Variants in OPCML observed in about 807,000 individuals in gnomAD.
OPCML encodes the protein opioid-binding protein/cell adhesion molecule.
OPCML carries 13 observed loss-of-function variants against 37.8 expected under a neutral mutation model. The ratio of observed to expected loss-of-function variants is 0.34; its 90% confidence interval spans 0.22 to 0.55. The LOEUF (loss-of-function observed/expected upper bound fraction) is 0.55, where lower values mean the gene tolerates loss of function less well. OPCML is among the 20% of genes least tolerant of loss of function. The pLI is 0.91. For synonymous variants in OPCML, 176 were observed against 168.8 expected (o/e 1.04, Z -0.33); for missense variants, 341 against 435.6 (o/e 0.78, Z 1.93).
Position 133,498,487 on chromosome 11 carries a change from C to T in OPCML, c.61+33777G>A, listed in dbSNP as rs142918773. Among the ~76,000 whole-genome samples the T allele has an allele frequency of 3.4e-3, 521 of 152,274 alleles. 4 individuals carry two copies. The highest frequency in any genetic ancestry group is 5.2e-3 in the Non-Finnish European group (355 of 68,004). ...AATCCCAGGAAACCGGGCACAATATCGCGCAGGGCCCCTTCTCTCCAGCCT... is the reference window on the plus strand; with the variant it reads ...AATCCCAGGAAACCGGGCACAATATTGCGCAGGGCCCCTTCTCTCCAGCCT... On this transcript the variant is annotated intron_variant, in intron 1 of 7. Transcript: ENST00000524381.
chr11:132,505,781 G>C (rs2096255434), intron 4 of OPCML, among the ~76,000 whole-genome samples: 1 of 151,464 alleles, frequency 6.6e-6, no homozygotes, highest in Non-Finnish European at 1.5e-5. Flanking sequence ...AAAGACAAAA[G>C]ATCTGAAGGA....
chr11:133,107,553 T>C (rs1388196757), intron 1 of OPCML, among the ~76,000 whole-genome samples: 2 of 152,180 alleles, frequency 1.3e-5, no homozygotes, highest in Admixed American at 1.3e-4. Flanking sequence ...GATTTTCTGT[T>C]GACACGCACA....
chr11:132,928,950 T>C (rs1013278459), intron 2 of OPCML, among the ~76,000 whole-genome samples: 15 of 150,560 alleles, frequency 1.0e-4, no homozygotes, highest in African/African-American at 3.7e-4. Context: ...TAGGATGCAA[T>C]AGAAGCAGTA....
intron 1 of OPCML, among the ~76,000 whole-genome samples, chr11:133,406,207 A>G (rs1242555934): frequency 6.6e-6 from 1 of 152,196 alleles, no homozygotes; most frequent in East Asian, 1.9e-4. Context: ...TGGAGAGTCA[A>G]GAACATACAC....
intron 1 of OPCML, among the ~76,000 whole-genome samples, chr11:133,239,399 T>C (rs959419504): frequency 2.0e-5 from 3 of 152,150 alleles, no homozygotes; most frequent in Non-Finnish European, 4.4e-5. Flanking sequence ...TAGTCTACAG[T>C]TGGCTGAGAC....
At chr11:133,472,080 T>C (rs1947128962) in intron 1 of OPCML, among the ~76,000 whole-genome samples, 1 of 152,164 alleles carries the variant, frequency 6.6e-6, no homozygotes, top group Non-Finnish European at 1.5e-5. Context: ...AAAGTTAAGT[T>C]TGATTTTTTT....
chr11:132,645,426 AT>A (rs1177421214), intron 3 of OPCML, among the ~76,000 whole-genome samples: 4 of 152,192 alleles, frequency 2.6e-5, no homozygotes. Context: ...TATTTAAGAC[AT>A]TTTGCTATTA....
chr11:133,518,443 A>C (rs536643491), intron 1 of OPCML, among the ~76,000 whole-genome samples: 74 of 151,802 alleles, frequency 4.9e-4, no homozygotes, highest in African/African-American at 1.7e-3. Flanking sequence ...AAGTGTGGGC[A>C]GGTATGGGTA....
chr11:133,004,215 T>G, intron 1 of OPCML: 1 of 985,412 alleles, frequency 1.0e-6, no homozygotes, highest in Non-Finnish European at 1.2e-6. Context: ...TGCCTGAGAG[T>G]CACTTTCCAT....
At chr11:132,469,399 TTGTG>T (rs925317296) in intron 4 of OPCML, among the ~76,000 whole-genome samples, 1 of 150,898 alleles carries the variant, frequency 6.6e-6, no homozygotes, top group Non-Finnish European at 1.5e-5. Context: ...TGGGGTGTGT[TTGTG>T]TGTGGGGGTG....
chr11:132,574,141 A>T (rs181592505), intron 3 of OPCML, among the ~76,000 whole-genome samples: 2 of 146,838 alleles, frequency 1.4e-5, no homozygotes, highest in Admixed American at 1.3e-4. Context: ...TTTAGTTAAG[A>T]ATTTGTTAAT....
chr11:132,508,086 T>C (rs187506849), intron 4 of OPCML, among the ~76,000 whole-genome samples: 241 of 152,286 alleles, frequency 1.6e-3, no homozygotes, highest in Non-Finnish European at 2.3e-3. Context: ...ACTAGAAATA[T>C]TGCTATTACA....
intron 1 of OPCML, among the ~76,000 whole-genome samples, chr11:133,401,928 C>G (rs1314460885): frequency 6.6e-6 from 1 of 152,136 alleles, no homozygotes; most frequent in African/African-American, 2.4e-5. Flanking sequence ...AGCAGCCAGG[C>G]AAATTCTATA....
rs1940515485 is a variant in OPCML at position 132,636,577 on chromosome 11, TG to T, written c.379+20509del. ...AATGCCTCCTGACTTGCATTTATTCTGGCTTTTCTCGGAAAAGAAATAGCGA... is the reference window on the plus strand; with the variant it reads ...AATGCCTCCTGACTTGCATTTATTCTGCTTTTCTCGGAAAAGAAATAGCGA... On this transcript the variant is annotated intron_variant, in intron 3 of 7. Coordinates refer to ENST00000524381, the MANE Select transcript of OPCML (RefSeq NM_001012393.5). Among the ~76,000 whole-genome samples, 5 of 152,234 alleles carry T rather than the reference TG, an allele frequency of 3.3e-5. No homozygotes were observed. In the South Asian group the frequency reaches 1.0e-3, roughly 31 times the overall value.
At chr11:133,475,522 A>G (rs899481876) in intron 1 of OPCML, among the ~76,000 whole-genome samples, 8 of 152,188 alleles carry the variant, frequency 5.3e-5, no homozygotes, top group South Asian at 2.1e-4. Flanking sequence ...TCTCTGTCCC[A>G]TTGCAGTAAC....
chr11:133,300,771 C>G (rs1016501758), intron 1 of OPCML: 3 of 152,106 alleles, frequency 2.0e-5, no homozygotes, highest in Admixed American at 2.0e-4. Flanking sequence ...CAAGTGTTCC[C>G]TTAAGAGGGA....
chr11:132,888,526 G>A (rs774292661), intron 2 of OPCML, among the ~76,000 whole-genome samples: 13 of 152,178 alleles, frequency 8.5e-5, no homozygotes, highest in Non-Finnish European at 1.8e-4. Context: ...TCCTTGCAAA[G>A]CAGGAAAAGG....
At chr11:132,607,627 C>T (rs769617585) in intron 3 of OPCML, among the ~76,000 whole-genome samples, 6 of 152,144 alleles carry the variant, frequency 3.9e-5, no homozygotes, top group Non-Finnish European at 7.4e-5. Flanking sequence ...CACACAGTGG[C>T]TAGGGCATGG....
intron 1 of OPCML, among the ~76,000 whole-genome samples, chr11:133,134,969 G>T (rs752289): frequency 0.083 from 12,602 of 152,134 alleles, 1,524 homozygotes; most frequent in African/African-American, 0.26. Context: ...TATTGTTCTA[G>T]TGCACATTTT....
Sources: gnomAD v4.1 joint callset for allele counts (sites outside exome capture counted in the v4.1 genomes callset) on GRCh38, gnomAD v4.1.1 for gene constraint, MANE v1.5 for transcripts, NCBI Gene and HGNC (gene_info 2026-07-23, HGNC 2026-07-21) for gene names.